Variants in PKD2 observed in about 807,000 individuals in gnomAD.
PKD2 encodes the protein polycystin 2, transient receptor potential cation channel.
In PKD2, 48 loss-of-function variants were observed where a neutral mutation model predicts 105.9. The observed-to-expected ratio is 0.45, with a 90% CI of 0.36 to 0.58. PKD2 has a LOEUF of 0.58. PKD2 is among the 20% of genes least tolerant of loss of function. The pLI, the probability that PKD2 is intolerant of heterozygous loss-of-function variation, is 0.00. For missense variants in PKD2, 1,078 were observed against 1,255.3 expected, an observed-to-expected ratio of 0.86 and a Z score of 2.13; for synonymous variants, 464 against 481.1, an observed-to-expected ratio of 0.96 and a Z score of 0.46.
intron 2 of PKD2, among the ~76,000 whole-genome samples, chr4:88,027,891 G>A (rs1727012869): frequency 6.6e-6 from 1 of 152,094 alleles, no homozygotes; most frequent in Admixed American, 6.5e-5. Flanking sequence ...CTTCTCCTTT[G>A]CCTTCTGCCA....
At chr4:88,011,833 T>G (rs552082775) in intron 1 of PKD2, among the ~76,000 whole-genome samples, 4 of 140,244 alleles carry the variant, frequency 2.9e-5, no homozygotes, top group Admixed American at 8.0e-5. Flanking sequence ...GTCTTGAGGC[T>G]TCAGAACTTA....
intron 5 of PKD2, among the ~76,000 whole-genome samples, chr4:88,044,977 T>C (rs376155313): frequency 6.6e-6 from 1 of 152,216 alleles, no homozygotes; most frequent in South Asian, 2.1e-4. Flanking sequence ...TGCAGTATTA[T>C]TGAGTTTTTC....
intron 4 of PKD2, among the ~76,000 whole-genome samples, chr4:88,040,281 C>T (rs1431681213): frequency 6.6e-6 from 1 of 152,150 alleles, no homozygotes; most frequent in African/African-American, 2.4e-5. Flanking sequence ...GTTAGGGTGG[C>T]TTGTCGACGC....
intron 9 of PKD2, among the ~76,000 whole-genome samples, chr4:88,058,380 T>C (rs191754455): frequency 2.0e-5 from 3 of 152,304 alleles, no homozygotes; most frequent in Admixed American, 1.3e-4. Context: ...TCTCTCTCTA[T>C]ATATGTATCT....
intron 1 of PKD2, among the ~76,000 whole-genome samples, chr4:88,008,548 C>T (rs1488800293): frequency 6.6e-6 from 1 of 152,152 alleles, no homozygotes; most frequent in Non-Finnish European, 1.5e-5. Flanking sequence ...TTATTGGATA[C>T]CTCCTTCTTC....
intron 6 of PKD2, 60 bp downstream of exon 6, chr4:88,046,930 C>A: frequency 1.1e-6 from 1 of 938,010 alleles, no homozygotes; most frequent in Non-Finnish European, 1.8e-6. Context: ...TAACTAGAGT[C>A]TTTGATCTCC....
At chr4:88,034,442 G>C (rs1727262002) in intron 2 of PKD2, among the ~76,000 whole-genome samples, 1 of 152,050 alleles carries the variant, frequency 6.6e-6, no homozygotes, top group South Asian at 2.1e-4. Flanking sequence ...GCTGAGGTGG[G>C]AGCATCACCT....
At chr4:88,026,345 G>C (rs1726958221) in intron 2 of PKD2, among the ~76,000 whole-genome samples, 1 of 152,154 alleles carries the variant, frequency 6.6e-6, no homozygotes, top group South Asian at 2.1e-4. Context: ...TTTTTCCCCT[G>C]CCCTAGAGAT....
At position 88,046,856 on chromosome 4, in the gene PKD2, G is replaced by A. The variant is rs760230159; in HGVS notation, c.1534G>A (p.Val512Ile). Reference protein sequence around the residue: ...YFRSFWNCLDVVIVVLSVVAI... With the variant: ...YFRSFWNCLDIVIVVLSVVAI... ...CAGGAGTTTCTGGAATTGTCTGGAT[G>A]TTGTGATCGTTGTGGTAGGTTTGAG... is the stretch of plus-strand genomic sequence containing the variant. Residue 512 changes from valine (V) to isoleucine (I), a missense_variant, in exon 6 of 15, where the codon GTT becomes ATT. Val to Ile is a conservative substitution (Grantham distance 29). Around this residue, in one of 2 missense-constraint regions of PKD2, gnomAD observed 868 missense variants for 1,067.3 expected, o/e 0.81. Coordinates refer to ENST00000237596, the MANE Select transcript of PKD2 (RefSeq NM_000297.4). 15 of 1,597,674 alleles carry A rather than the reference G, an allele frequency of 9.4e-6. No individual in the cohort carries two copies. The East Asian group carries it at 3.1e-4, about 33-fold the overall frequency.
chr4:88,019,867 A>C lies in PKD2; in HGVS notation c.709+296A>C, dbSNP rs1180706399. On this transcript the variant is annotated intron_variant, in intron 2 of 14. Coordinates refer to ENST00000237596, the MANE Select transcript of PKD2 (RefSeq NM_000297.4). ...AAAATATATAAGAAAGAATTTTTCT[A>C]ATTGTGACTAAATTGTGACCAAATG... 3.3e-5 allele frequency among the ~76,000 whole-genome samples: 5 copies of C among 152,246 alleles called. No homozygotes were observed. In the East Asian group the frequency reaches 9.6e-4, roughly 29 times the overall value.
At chr4:88,048,388 A>G (rs144815800) in intron 6 of PKD2, among the ~76,000 whole-genome samples, 1 of 152,338 alleles carries the variant, frequency 6.6e-6, no homozygotes, top group East Asian at 1.9e-4. Context: ...TGGAAAATAT[A>G]TTATTCATAT....
Position 88,008,103 on chromosome 4 carries a change from A to C in PKD2, c.370A>C (p.Arg124=), listed in dbSNP as rs1009444687. The C allele has an allele frequency of 7.9e-6, 12 of 1,514,416 alleles. No individual in the cohort carries two copies. In the African/African-American group the frequency reaches 1.6e-4, roughly 20 times the overall value. The allele number at this position is 1,514,416 out of a possible 1,614,324, so 93.8% of individuals were successfully genotyped here. Residue 124 remains arginine, a synonymous_variant, in exon 1 of 15, where the codon AGG becomes CGG. Transcript: ENST00000237596. ...CGTAGAGTGGCGCCCGGGCAGCCGG[A>C]GGTCGGCCGCCTCCTCGGCCGTGAG... The part of the protein sequence containing the change: ...MDVEWRPGSR[R]SAASSAVSSV...
At position 88,058,112 on chromosome 4, in the gene PKD2, A is replaced by G; in HGVS notation, c.2019+9A>G. Reference sequence around the variant, plus strand: ...TGTTCTTCATTCTTTTGGTATGTACATTTTTATTTATAGTGAGGTTCAATT... The same window carrying G: ...TGTTCTTCATTCTTTTGGTATGTACGTTTTTATTTATAGTGAGGTTCAATT... On this transcript the variant is annotated intron_variant, in intron 9 of 14. Transcript: ENST00000237596. 3 of 1,471,790 alleles carry G rather than the reference A, an allele frequency of 2.0e-6. No homozygotes were observed. Among genetic ancestry groups the G allele is most frequent in the Non-Finnish European group, 2.9e-6 (3 of 1,051,240 alleles). 91.2% of individuals were successfully genotyped at this position (1,471,790 alleles called of 1,614,324 possible). A position where few individuals can be genotyped will look rare whatever the true frequency, so the allele number is the denominator to read the frequency against.
At chr4:88,010,866 A>G (rs1726360391) in intron 1 of PKD2, among the ~76,000 whole-genome samples, 1 of 152,262 alleles carries the variant, frequency 6.6e-6, no homozygotes, top group Admixed American at 6.5e-5. Context: ...TAGTAAAGAA[A>G]GAAGACATGT....
chr4:88,068,921 G>C (rs555377373), intron 13 of PKD2, among the ~76,000 whole-genome samples: 102 of 152,218 alleles, frequency 6.7e-4, no homozygotes, highest in Middle Eastern at 3.4e-3. Flanking sequence ...TTGGAACTCT[G>C]TTGTTGGGTG....
At chr4:88,017,221 G>C (rs1726590147) in intron 1 of PKD2, among the ~76,000 whole-genome samples, 1 of 152,114 alleles carries the variant, frequency 6.6e-6, no homozygotes, top group Non-Finnish European at 1.5e-5. Context: ...CCTTCAGTGA[G>C]CTGTGATCGT....
At chr4:88,051,419 C>T (rs911091337) in intron 6 of PKD2, among the ~76,000 whole-genome samples, 2 of 152,058 alleles carry the variant, frequency 1.3e-5, no homozygotes, top group African/African-American at 4.8e-5. Context: ...TCTTGAGTCT[C>T]GAGGGCAGGA....
At chr4:88,021,247 A>G (rs1215361979) in intron 2 of PKD2, among the ~76,000 whole-genome samples, 1 of 152,230 alleles carries the variant, frequency 6.6e-6, no homozygotes, top group Non-Finnish European at 1.5e-5. Context: ...TGATTTTAAA[A>G]TACATATGTG....
At chr4:88,016,475 C>T (rs1441760560) in intron 1 of PKD2, among the ~76,000 whole-genome samples, 1 of 152,110 alleles carries the variant, frequency 6.6e-6, no homozygotes, top group Non-Finnish European at 1.5e-5. Flanking sequence ...ATCAGCTCTG[C>T]CAAACATGGA....
Sources: gnomAD v4.1 joint callset for allele counts (sites outside exome capture counted in the v4.1 genomes callset) on GRCh38, gnomAD v4.1.1 for gene constraint, gnomAD v4.1.1 regional missense constraint, MANE v1.5 for transcripts, NCBI Gene and HGNC (gene_info 2026-07-23, HGNC 2026-07-21) for gene names.